Variants in MGRN1 observed in about 807,000 individuals in gnomAD.
MGRN1 encodes E3 ubiquitin-protein ligase MGRN1.
Under a neutral mutation model 69.2 loss-of-function variants are expected in MGRN1, and 29 were observed. The observed-to-expected ratio is 0.42, with a 90% CI of 0.31 to 0.57. The LOEUF (loss-of-function observed/expected upper bound fraction) is 0.57, where lower values mean the gene tolerates loss of function less well. Among genes scored for constraint, MGRN1 ranks in the 20% least tolerant of loss-of-function variants. MGRN1 has a pLI of 0.15. For synonymous variants in MGRN1, 470 were observed against 344.2 expected (o/e 1.37, Z -4.04); for missense variants, 998 against 796.2 (o/e 1.25, Z -3.05).
intron 1 of MGRN1, chr16:4,633,753 T>G (rs940195747): frequency 6.6e-6 from 1 of 151,906 alleles, no homozygotes; most frequent in Admixed American, 6.6e-5. Flanking sequence ...AGTCTCACTC[T>G]TTCTCCCAGG....
chr16:4,687,272 C>G (rs2141991601), intron 16 of MGRN1: 1 of 985,402 alleles, frequency 1.0e-6, no homozygotes, highest in East Asian at 1.1e-4. Flanking sequence ...GCGGCTCTGT[C>G]CAGGCAGTGG....
At chr16:4,656,007 C>T (rs1272226810) in intron 4 of MGRN1, among the ~76,000 whole-genome samples, 1 of 152,208 alleles carries the variant, frequency 6.6e-6, no homozygotes, top group Non-Finnish European at 1.5e-5. Flanking sequence ...GCCTCTTCTG[C>T]CTTTGTGTGT....
At chr16:4,637,188 G>C (rs1187297073) in intron 1 of MGRN1, among the ~76,000 whole-genome samples, 1 of 151,318 alleles carries the variant, frequency 6.6e-6, no homozygotes, top group Non-Finnish European at 1.5e-5. Context: ...CTAGCACTTT[G>C]GGAGGCTGAG....
intron 4 of MGRN1, among the ~76,000 whole-genome samples, 161 bp from the exon 5 acceptor site, chr16:4,657,085 G>A (rs2078561509): frequency 6.6e-6 from 1 of 152,176 alleles, no homozygotes; most frequent in Non-Finnish European, 1.5e-5. Context: ...CCCTGGAAGG[G>A]TGAGGGCCAC....
At chr16:4,654,934 G>A (rs1410236459) in intron 4 of MGRN1, among the ~76,000 whole-genome samples, 2 of 152,238 alleles carry the variant, frequency 1.3e-5, no homozygotes, top group Non-Finnish European at 2.9e-5. Flanking sequence ...TGTTCTTTGA[G>A]GCTCTACCTT....
At position 4,642,128 on chromosome 16, in the gene MGRN1, C is replaced by CTTTT. The variant is rs34264611; in HGVS notation, c.89-8222_89-8219dup. Among the ~76,000 whole-genome samples, 92 of 128,750 alleles carry CTTTT rather than the reference C, an allele frequency of 7.1e-4. 2 individuals carry two copies. Among genetic ancestry groups the CTTTT allele is most frequent in the African/African-American group, 2.3e-3 (77 of 32,938 alleles). 84.5% of individuals were successfully genotyped at this position (128,750 alleles called of 152,430 possible). On this transcript the variant is annotated intron_variant, in intron 1 of 16. Coordinates refer to ENST00000262370, the MANE Select transcript of MGRN1 (RefSeq NM_015246.4). ...TCCCTGTCAGCATATGACTTGGTTC[C>CTTTT]TTTTTTTTTTTTTTTTTTAAAAAAG...
intron 1 of MGRN1, among the ~76,000 whole-genome samples, chr16:4,627,697 G>C (rs1364965851): frequency 6.6e-6 from 1 of 151,848 alleles, no homozygotes; most frequent in African/African-American, 2.4e-5. Flanking sequence ...GCTGAGGCAG[G>C]CTGAATTGCT....
In MGRN1 at chr16:4,642,128, CT is replaced by C. The variant is rs34264611; in HGVS notation, c.89-8219del. ...TCCCTGTCAGCATATGACTTGGTTC[CT>C]TTTTTTTTTTTTTTTTTAAAAAAGA... On this transcript the variant is annotated intron_variant, in intron 1 of 16. Coordinates refer to ENST00000262370, the MANE Select transcript of MGRN1 (RefSeq NM_015246.4). 1.9e-3 allele frequency among the ~76,000 whole-genome samples: 245 copies of C among 128,734 alleles called. 1 individual carries two copies. In the Middle Eastern group the frequency reaches 0.02, roughly 10 times the overall value. The allele number at this position is 128,734 out of a possible 152,430, so 84.5% of individuals were successfully genotyped here.
chr16:4,635,255 T>C (rs946271785), intron 1 of MGRN1, among the ~76,000 whole-genome samples: 4 of 148,554 alleles, frequency 2.7e-5, no homozygotes, highest in Non-Finnish European at 4.5e-5. Context: ...CTACTAAAAA[T>C]CCAAAAAAAA....
chr16:4,645,887 GCA>G (rs1000361087), intron 1 of MGRN1, among the ~76,000 whole-genome samples: 2 of 152,210 alleles, frequency 1.3e-5, no homozygotes, highest in African/African-American at 4.8e-5. Context: ...TGGTGAATGG[GCA>G]CAGTCACAGG....
chr16:4,664,169 T>G (rs1228311681), intron 5 of MGRN1: 1 of 165,846 alleles, frequency 6.0e-6, no homozygotes, highest in Non-Finnish European at 1.3e-5. Context: ...CGTGTGGATA[T>G]CCACACAGTG....
At chr16:4,688,425 C>G in intron 16 of MGRN1, 19 of 1,045,166 alleles carry the variant, frequency 1.8e-5, no homozygotes, top group South Asian at 4.3e-5. Flanking sequence ...CCACCCTAAC[C>G]CAGCCGTAAG....
At chr16:4,630,266 C>T (rs377054779) in intron 1 of MGRN1, among the ~76,000 whole-genome samples, 43 of 148,424 alleles carry the variant, frequency 2.9e-4, no homozygotes, top group African/African-American at 8.2e-4. Flanking sequence ...GCAGAAGAAT[C>T]GCTGGAACCC....
chr16:4,678,519 A>G (rs1183268064), intron 11 of MGRN1, among the ~76,000 whole-genome samples: 1 of 148,402 alleles, frequency 6.7e-6, no homozygotes, highest in Non-Finnish European at 1.5e-5. Context: ...AGGAAGAGAC[A>G]GACAGATGTG....
rs1475847798 is a variant in MGRN1, at chr16:4,624,957, C to A, written c.-4C>A. On this transcript the variant is annotated 5_prime_UTR_variant, in exon 1 of 17. Coordinates refer to ENST00000262370, the MANE Select transcript of MGRN1 (RefSeq NM_015246.4). ...GGCCCCTCTGCCCGGCAGCGCCGCG[C>A]ACCATGGGCTCCATTCTCAGCCGCC... 6.5e-7 allele frequency: 1 copy of A among 1,544,608 alleles called. No homozygotes were observed. Among genetic ancestry groups the A allele is most frequent in the Non-Finnish European group, 8.7e-7 (1 of 1,148,486 alleles).
intron 11 of MGRN1, among the ~76,000 whole-genome samples, chr16:4,679,288 G>A (rs1194374842): frequency 6.6e-6 from 1 of 152,156 alleles, no homozygotes; most frequent in Non-Finnish European, 1.5e-5. Context: ...TGGTGGCTGA[G>A]GATCCAGTAG....
intron 1 of MGRN1, among the ~76,000 whole-genome samples, chr16:4,643,045 T>G (rs1299856198): frequency 6.6e-6 from 1 of 152,088 alleles, no homozygotes; most frequent in East Asian, 1.9e-4. Context: ...AGCCTCTGCC[T>G]CCCAAGTTCA....
intron 1 of MGRN1, among the ~76,000 whole-genome samples, chr16:4,630,078 G>A (rs1897921030): frequency 6.7e-6 from 1 of 149,152 alleles, no homozygotes; most frequent in Non-Finnish European, 1.5e-5. Flanking sequence ...AAGCGCAGGT[G>A]CAGTGGCTCG....
chr16:4,683,400 C>T (rs1251725116), intron 15 of MGRN1, 131 bp downstream of exon 15: 44 of 1,091,902 alleles, frequency 4.0e-5, no homozygotes, highest in Non-Finnish European at 5.6e-5. Flanking sequence ...CCAAGAGGCC[C>T]CCCTCGGCGG....
Sources: gnomAD v4.1 joint callset for allele counts (sites outside exome capture counted in the v4.1 genomes callset) on GRCh38, gnomAD v4.1.1 for gene constraint, MANE v1.5 for transcripts, NCBI Gene and HGNC (gene_info 2026-07-23, HGNC 2026-07-21) for gene names.